Variants in SSBP2 observed in about 807,000 individuals in gnomAD.
SSBP2 encodes single-stranded DNA-binding protein 2.
SSBP2 carries 17 observed loss-of-function variants against 61.8 expected under a neutral mutation model. That is an observed-to-expected ratio of 0.28 (90% confidence interval 0.19 to 0.41). The LOEUF is 0.41. Among genes scored for constraint, SSBP2 ranks in the 10% least tolerant of loss-of-function variants. SSBP2 has a pLI of 1.00. For missense variants in SSBP2, 310 were observed against 458.7 expected (o/e 0.68, Z 2.96); for synonymous variants, 139 against 141.3 (o/e 0.98, Z 0.12).
At chr5:81,642,786 A>G (rs767529779) in intron 2 of SSBP2, among the ~76,000 whole-genome samples, 2 of 152,236 alleles carry the variant, frequency 1.3e-5, no homozygotes, top group Non-Finnish European at 2.9e-5. Context: ...ATGAACCAAT[A>G]TAACACAATT....
chr5:81,514,694 G>A (rs1768877463), intron 4 of SSBP2, among the ~76,000 whole-genome samples: 1 of 151,858 alleles, frequency 6.6e-6, no homozygotes, highest in African/African-American at 2.4e-5. Flanking sequence ...ATATTTCAGT[G>A]TATTCATTCA....
At chr5:81,525,685 C>T (rs1293475772) in intron 4 of SSBP2, among the ~76,000 whole-genome samples, 1 of 151,890 alleles carries the variant, frequency 6.6e-6, no homozygotes, top group African/African-American at 2.4e-5. Context: ...TAAAGCATTC[C>T]CACTGTTCAT....
intron 1 of SSBP2, among the ~76,000 whole-genome samples, chr5:81,698,174 ACC>A (rs1275617690): frequency 6.6e-6 from 1 of 152,212 alleles, no homozygotes; most frequent in Non-Finnish European, 1.5e-5. Flanking sequence ...AAATGTACCA[ACC>A]ACAAAATCAG....
At chr5:81,721,159 A>C (rs1755518255) in intron 1 of SSBP2, among the ~76,000 whole-genome samples, 2 of 152,124 alleles carry the variant, frequency 1.3e-5, no homozygotes, top group Admixed American at 6.6e-5. Flanking sequence ...ATACCATAAA[A>C]AATATAAACC....
intron 4 of SSBP2, among the ~76,000 whole-genome samples, chr5:81,538,958 T>C (rs1771026722): frequency 6.6e-6 from 1 of 152,238 alleles, no homozygotes; most frequent in Non-Finnish European, 1.5e-5. Context: ...CTGCAGCCCA[T>C]GGATCATGGC....
At chr5:81,563,557 AAGACAGACATGT>A (rs1171809374) in intron 4 of SSBP2, among the ~76,000 whole-genome samples, 1 of 152,174 alleles carries the variant, frequency 6.6e-6, no homozygotes, top group Non-Finnish European at 1.5e-5. Context: ...TACTAGTGTA[AAGACAGACATGT>A]AGACTAATGG....
intron 4 of SSBP2, among the ~76,000 whole-genome samples, chr5:81,550,279 A>T (rs1245671329): frequency 6.6e-6 from 1 of 152,044 alleles, no homozygotes; most frequent in Non-Finnish European, 1.5e-5. Flanking sequence ...GTTTTATTTA[A>T]CTTCTCCTGT....
At chr5:81,468,901 G>T (rs954088464) in intron 8 of SSBP2, among the ~76,000 whole-genome samples, 1 of 151,890 alleles carries the variant, frequency 6.6e-6, no homozygotes, top group Admixed American at 6.6e-5. Flanking sequence ...CTAACCTCTG[G>T]ATCAGGCATG....
intron 4 of SSBP2, among the ~76,000 whole-genome samples, chr5:81,555,213 A>G (rs1254387894): frequency 6.6e-6 from 1 of 152,134 alleles, no homozygotes; most frequent in Non-Finnish European, 1.5e-5. Flanking sequence ...TTTTCTAATT[A>G]AAAATAAATC....
chr5:81,413,553 A>C lies in SSBP2; in HGVS notation c.*6951T>G, dbSNP rs944806451. On this transcript the variant is annotated 3_prime_UTR_variant, in exon 17 of 17. Coordinates refer to ENST00000320672, the MANE Select transcript of SSBP2 (RefSeq NM_012446.5). ...AAAATCACAACTAGGTTAATTAAAC[A>C]ATTCAATACGTTAATGGCTATCATA... 6.6e-6 allele frequency: 1 copy of C among 152,232 alleles called. No individual in the cohort carries two copies. Among genetic ancestry groups the C allele is most frequent in the African/African-American group, 2.4e-5 (1 of 41,472 alleles). The allele number at this position is 152,232 out of a possible 1,614,324, so 9.4% of individuals were successfully genotyped here.
chr5:81,500,174 A>G (rs1767592813), intron 5 of SSBP2, among the ~76,000 whole-genome samples: 1 of 152,218 alleles, frequency 6.6e-6, no homozygotes, highest in Non-Finnish European at 1.5e-5. Flanking sequence ...TATCTGAACT[A>G]TGTAAGATGG....
At chr5:81,575,849 T>C (rs1774174422) in intron 4 of SSBP2, among the ~76,000 whole-genome samples, 1 of 152,192 alleles carries the variant, frequency 6.6e-6, no homozygotes, top group African/African-American at 2.4e-5. Context: ...AAGGAGACTT[T>C]GAGGCAAAAT....
intron 1 of SSBP2, among the ~76,000 whole-genome samples, chr5:81,699,118 A>C (rs1753788196): frequency 6.6e-6 from 1 of 152,224 alleles, no homozygotes; most frequent in Non-Finnish European, 1.5e-5. Flanking sequence ...ACCTTGTTTA[A>C]AAATATTTTA....
At chr5:81,673,024 G>C (rs1215834583) in intron 1 of SSBP2, among the ~76,000 whole-genome samples, 5 of 151,792 alleles carry the variant, frequency 3.3e-5, no homozygotes, top group Non-Finnish European at 7.4e-5. Context: ...TTTTAGTAGA[G>C]ACGAGGTTTT....
intron 16 of SSBP2, among the ~76,000 whole-genome samples, chr5:81,424,291 G>A (rs143146925): frequency 0.012 from 1,895 of 152,180 alleles, 42 homozygotes; most frequent in African/African-American, 0.042. Flanking sequence ...AGGCATGGTG[G>A]CACACGCCTG....
At chr5:81,628,393 G>A (rs778767933) in intron 3 of SSBP2, among the ~76,000 whole-genome samples, 4 of 152,294 alleles carry the variant, frequency 2.6e-5, no homozygotes, top group Non-Finnish European at 4.4e-5. Flanking sequence ...TACAATTCAA[G>A]ATGAGATTTG....
intron 4 of SSBP2, among the ~76,000 whole-genome samples, chr5:81,554,797 T>C (rs934363136): frequency 1.3e-4 from 20 of 152,230 alleles, no homozygotes; most frequent in African/African-American, 4.8e-4. Flanking sequence ...TTGGTCATTA[T>C]AGAGATAATA....
intron 1 of SSBP2, among the ~76,000 whole-genome samples, chr5:81,683,914 T>C (rs1475524551): frequency 1.3e-5 from 2 of 152,152 alleles, no homozygotes; most frequent in Non-Finnish European, 2.9e-5. Flanking sequence ...ACTATGCAAA[T>C]ATTTGAATGG....
chr5:81,636,838 C>T (rs770831405), intron 2 of SSBP2, among the ~76,000 whole-genome samples: 3 of 152,208 alleles, frequency 2.0e-5, no homozygotes, highest in Non-Finnish European at 4.4e-5. Context: ...GAATTTGCTT[C>T]ATACTGTGCC....
Sources: allele counts gnomAD v4.1 joint callset (sites outside exome capture counted in the v4.1 genomes callset), GRCh38; gene constraint gnomAD v4.1.1; transcripts MANE v1.5; gene names NCBI Gene and HGNC (gene_info 2026-07-23, HGNC 2026-07-21).